OXR1: variants seen among roughly 807,000 people sequenced by gnomAD.
OXR1 encodes the protein oxidation resistance 1, also known as oxidation resistance protein 1.
OXR1 carries 41 observed loss-of-function variants against 104.6 expected under a neutral mutation model. The observed-to-expected ratio is 0.39, with a 90% CI of 0.31 to 0.51. OXR1 has a LOEUF of 0.51. Ranked by LOEUF, OXR1 falls within the 20% of genes least tolerant of loss-of-function variation. OXR1 has a pLI of 0.77. For missense variants in OXR1, 955 were observed against 1,031.9 expected, an observed-to-expected ratio of 0.93 and a Z score of 1.02; for synonymous variants, 348 against 348.4, an observed-to-expected ratio of 1.00 and a Z score of 0.01.
chr8:106,448,517 A>G (rs1563529333), intron 2 of OXR1, among the ~76,000 whole-genome samples: 1 of 152,214 alleles, frequency 6.6e-6, no homozygotes, highest in Non-Finnish European at 1.5e-5. Flanking sequence ...CAGCTTAAAT[A>G]TATTATTTAA....
At chr8:106,500,617 A>C (rs1001678199) in intron 2 of OXR1, among the ~76,000 whole-genome samples, 25 of 152,192 alleles carry the variant, frequency 1.6e-4, no homozygotes, top group African/African-American at 5.3e-4. Flanking sequence ...TTCCTTCTAC[A>C]ACTTGGTGTC....
At chr8:106,700,891 T>C (rs1830529398) in intron 7 of OXR1, among the ~76,000 whole-genome samples, 1 of 152,096 alleles carries the variant, frequency 6.6e-6, no homozygotes, top group African/African-American at 2.4e-5. Context: ...TATTTCTAGT[T>C]GATTGCTTGG....
At chr8:106,543,532 C>T (rs1302751570) in intron 3 of OXR1, among the ~76,000 whole-genome samples, 1 of 152,064 alleles carries the variant, frequency 6.6e-6, no homozygotes, top group African/African-American at 2.4e-5. Context: ...AGGTGAATAT[C>T]CCCAGATGAA....
intron 3 of OXR1, among the ~76,000 whole-genome samples, chr8:106,560,597 A>G (rs1816604772): frequency 6.6e-6 from 1 of 152,182 alleles, no homozygotes; most frequent in Non-Finnish European, 1.5e-5. Flanking sequence ...TTGGCTCCAA[A>G]TAGCACTGAA....
intron 16 of OXR1, among the ~76,000 whole-genome samples, chr8:106,750,411 C>T (rs1432089587): frequency 8.6e-5 from 13 of 151,014 alleles, no homozygotes; most frequent in African/African-American, 2.2e-4. Flanking sequence ...TTGCAACCTC[C>T]GCCTCCTGGG....
chr8:106,348,366 C>A (rs187668355), intron 1 of OXR1, among the ~76,000 whole-genome samples: 2 of 152,256 alleles, frequency 1.3e-5, no homozygotes, highest in African/African-American at 4.8e-5. Flanking sequence ...TGTTCAAAAG[C>A]TGATTTTCCT....
intron 2 of OXR1, among the ~76,000 whole-genome samples, chr8:106,383,516 A>C (rs753261305): frequency 6.6e-6 from 1 of 152,216 alleles, no homozygotes; most frequent in Non-Finnish European, 1.5e-5. Context: ...CAATGCTCAC[A>C]AATCTATAAG....
intron 3 of OXR1, among the ~76,000 whole-genome samples, chr8:106,642,499 C>T (rs888260913): frequency 2.0e-5 from 3 of 152,178 alleles, no homozygotes; most frequent in Non-Finnish European, 4.4e-5. Context: ...TCACCATGTT[C>T]ATCTGCTACA....
At chr8:106,388,368 C>T (rs1817460412) in intron 2 of OXR1, among the ~76,000 whole-genome samples, 1 of 152,126 alleles carries the variant, frequency 6.6e-6, no homozygotes, top group Admixed American at 6.5e-5. Context: ...TTGCCTTTGG[C>T]CTAATACTGC....
At chr8:106,386,640 C>T (rs911892711) in intron 2 of OXR1, among the ~76,000 whole-genome samples, 1 of 152,142 alleles carries the variant, frequency 6.6e-6, no homozygotes, top group African/African-American at 2.4e-5. Context: ...CCTCCTCCAA[C>T]CCCTAAGTCA....
chr8:106,711,278 G>A (rs1466379487), intron 10 of OXR1, among the ~76,000 whole-genome samples: 2 of 152,012 alleles, frequency 1.3e-5, no homozygotes, highest in Non-Finnish European at 2.9e-5. Flanking sequence ...GATGTCTATT[G>A]TACTATCTTG....
At chr8:106,315,062 A>T (rs574553280) in intron 1 of OXR1, among the ~76,000 whole-genome samples, 1 of 151,746 alleles carries the variant, frequency 6.6e-6, no homozygotes, top group Admixed American at 6.6e-5. Flanking sequence ...AAACTTGTCG[A>T]GTGGGCGTTT....
At chr8:106,277,521 C>A (rs984217770) in intron 1 of OXR1, among the ~76,000 whole-genome samples, 3 of 152,146 alleles carry the variant, frequency 2.0e-5, no homozygotes, top group Non-Finnish European at 2.9e-5. Context: ...AATCATAAAG[C>A]CTGATCTCAA....
rs576494822 is a variant in OXR1 at position 106,338,814 on chromosome 8, T to C, written c.-138-20662T>C. Among the ~76,000 whole-genome samples the C allele has an allele frequency of 5.3e-5, 8 of 152,192 alleles. No individual in the cohort carries two copies. The South Asian group carries it at 1.4e-3, about 28-fold the overall frequency. On this transcript the variant is annotated intron_variant, in intron 1 of 16. Transcript: ENST00000517566. ...ACTTGTAATTCTCTAAAACATATTT[T>C]GTGATTCTTGGTATTTATACCAAGA... is the stretch of plus-strand genomic sequence containing the variant.
At chr8:106,502,990 T>C (rs954388803) in intron 2 of OXR1, among the ~76,000 whole-genome samples, 1 of 152,174 alleles carries the variant, frequency 6.6e-6, no homozygotes, top group Non-Finnish European at 1.5e-5. Flanking sequence ...CCAAACTACT[T>C]ATCTTTTTTT....
At chr8:106,563,301 A>G (rs367836251) in intron 3 of OXR1, among the ~76,000 whole-genome samples, 58,042 of 143,434 alleles carry the variant, frequency 0.4, 11,604 homozygotes, top group Admixed American at 0.44. Context: ...GAAAGCAAAA[A>G]AAAAAAAAAA....
At chr8:106,732,412 C>A (rs918130214) in intron 11 of OXR1, among the ~76,000 whole-genome samples, 9 of 152,030 alleles carry the variant, frequency 5.9e-5, no homozygotes, top group African/African-American at 2.2e-4. Flanking sequence ...GCTAGGACTT[C>A]CTGCATAATG....
chr8:106,312,165 T>C (rs1268776589), intron 1 of OXR1, among the ~76,000 whole-genome samples: 1 of 152,220 alleles, frequency 6.6e-6, no homozygotes, highest in Non-Finnish European at 1.5e-5. Flanking sequence ...GAATTAAATA[T>C]GTCTTGAACA....
intron 3 of OXR1, among the ~76,000 whole-genome samples, chr8:106,561,954 A>C (rs193123528): frequency 7.3e-4 from 111 of 152,318 alleles, no homozygotes; most frequent in African/African-American, 2.5e-3. Context: ...ATCCACACAA[A>C]AACACCATCT....
Sources: gnomAD v4.1 joint callset for allele counts (sites outside exome capture counted in the v4.1 genomes callset) on GRCh38, gnomAD v4.1.1 for gene constraint, MANE v1.5 for transcripts, NCBI Gene and HGNC (gene_info 2026-07-23, HGNC 2026-07-21) for gene names.